PKD1: variants seen among roughly 807,000 people sequenced by gnomAD.
PKD1 encodes polycystin 1, transient receptor potential channel interacting, also known as polycystin-1.
PKD1 carries 81 observed loss-of-function variants against 361.7 expected under a neutral mutation model. The observed-to-expected ratio is 0.22, with a 90% CI of 0.19 to 0.27. The LOEUF (loss-of-function observed/expected upper bound fraction) is 0.27. Among genes scored for constraint, PKD1 ranks in the 10% least tolerant of loss-of-function variants. The pLI is 1.00. For missense variants in PKD1, 6,399 were observed against 6,118.3 expected (o/e 1.05, Z -1.53); for synonymous variants, 3,615 against 2,818.3 (o/e 1.28, Z -8.95).
chr16:2,112,986 GC>G (rs1172064033), intron 12 of PKD1, 23 bp from the exon 13 acceptor site: 4 of 1,592,418 alleles, frequency 2.5e-6, no homozygotes, highest in Non-Finnish European at 3.4e-6. Flanking sequence ...GCGTCAGTGA[GC>G]CCAGGTGGCA....
chr16:2,110,098 G>C lies in PKD1; in HGVS notation c.5069C>G (p.Ala1690Gly). The C allele has an allele frequency of 1.2e-6, 2 of 1,609,718 alleles. No homozygotes were observed. Among genetic ancestry groups the C allele is most frequent in the Non-Finnish European group, 1.7e-6 (2 of 1,179,418 alleles). The stretch of plus-strand genomic sequence containing the variant: ...CCGCAGCTGCACATGGTAGGTGCCG[G>C]CCTCGAGCACGGTGAGCGAGAAGCC... ...GKGFSLTVLE[A>G]GTYHVQLRAT... Residue 1690 changes from alanine (A) to glycine (G), a missense_variant, in exon 15 of 46, where the codon GCC becomes GGC. Physicochemically the swap from Ala to Gly is moderately conservative, Grantham distance 60. Transcript: ENST00000262304.
chr16:2,102,879 C>A lies in PKD1; in HGVS notation c.8883G>T (p.Arg2961Ser), dbSNP rs758924961. Reference protein sequence around the residue: ...RPNEHNCSASRRIRPESLQGA... With the variant: ...RPNEHNCSASSRIRPESLQGA... ...CCTGGAGTGACTCTGGGCGGATCCT[C>A]CTGCTAGCCGAGCAGTTGTGCTCAT... The change falls in exon 24 of 46, where the codon AGG (arginine) becomes AGT (serine). Residue 2961 changes from arginine to serine, a missense_variant. Arg to Ser is a moderately radical substitution (Grantham distance 110, BLOSUM62 -1). Transcript: ENST00000262304. The A allele has an allele frequency of 6.2e-7, 1 of 1,610,214 alleles. No homozygotes were observed. The highest frequency in any genetic ancestry group is 1.7e-5 in the Admixed American group (1 of 60,008).
At chr16:2,095,029 C>CT (rs1291089092) in intron 34 of PKD1, 2 of 152,258 alleles carry the variant, frequency 1.3e-5, no homozygotes, top group Non-Finnish European at 2.9e-5. Context: ...AATCCCAGCA[C>CT]TTCAGGAGGC....
In PKD1 at chr16:2,109,936, C is replaced by T. The variant is rs751202246; in HGVS notation, c.5231G>A (p.Gly1744Asp). The T allele has an allele frequency of 2.5e-6, 4 of 1,610,414 alleles. No individual in the cohort carries two copies. The highest frequency in any genetic ancestry group is 3.4e-6 in the Non-Finnish European group (4 of 1,179,656). Residue 1744 changes from glycine to aspartate, a missense_variant, in exon 15 of 46, where the codon GGT becomes GAT. By Grantham distance (94) the Gly-to-Asp change is moderately conservative. Transcript: ENST00000262304. Reference protein sequence around the residue: ...TSVTLSAELAGGSGVVYTWSL... With the variant: ...TSVTLSAELADGSGVVYTWSL... ...CCAAGTGTATACGACACCACTGCCACCAGCCAGCTCGGCACTGAGGGTGAC... is the reference window on the plus strand; with the variant it reads ...CCAAGTGTATACGACACCACTGCCATCAGCCAGCTCGGCACTGAGGGTGAC...
chr16:2,089,589 C>T lies in PKD1; in HGVS notation c.*138G>A. On this transcript the variant is annotated 3_prime_UTR_variant, in exon 46 of 46. Coordinates refer to ENST00000262304, the MANE Select transcript of PKD1 (RefSeq NM_001009944.3). ...TCTTTAAAGTGCTGAAGCCCACAGA[C>T]AGACAGATGCCCCTGCCTGCTCTCT... 1.8e-6 allele frequency: 2 copies of T among 1,103,280 alleles called. No homozygotes were observed. The highest frequency in any genetic ancestry group is 2.6e-6 in the Non-Finnish European group (2 of 765,672). The allele number at this position is 1,103,280 out of a possible 1,614,324, so 68.3% of individuals were successfully genotyped here. A position where few individuals can be genotyped will look rare whatever the true frequency, so the allele number is the denominator to read the frequency against.
At position 2,119,997 on chromosome 16, in the gene PKD1, G is replaced by A. The variant is rs756707; in HGVS notation, c.216-619C>T. ...GGAGCTGAGACGGAAGGATCGCCTG[G>A]GCCCAGGATTTTGAAACCACCCTGG... On this transcript the variant is annotated intron_variant, in intron 1 of 45. Coordinates refer to ENST00000262304, the MANE Select transcript of PKD1 (RefSeq NM_001009944.3). 344 of 594,926 alleles carry A rather than the reference G, an allele frequency of 5.8e-4. 2 individuals are homozygous for A. The highest frequency in any genetic ancestry group is 4.2e-3 in the African/African-American group (228 of 53,710). 36.9% of individuals were successfully genotyped at this position (594,926 alleles called of 1,614,324 possible). A position where few individuals can be genotyped will look rare whatever the true frequency, so the allele number is the denominator to read the frequency against.
intron 1 of PKD1, among the ~76,000 whole-genome samples, chr16:2,130,372 TC>T (rs1206359663): frequency 6.6e-6 from 1 of 152,150 alleles, no homozygotes; most frequent in African/African-American, 2.4e-5. Flanking sequence ...TCTGGGCAGC[TC>T]CCTGTGGGAG....
At chr16:2,121,292 G>A (rs1336409488) in intron 1 of PKD1, among the ~76,000 whole-genome samples, 3 of 151,810 alleles carry the variant, frequency 2.0e-5, no homozygotes, top group African/African-American at 7.3e-5. Context: ...TTGAACCCGC[G>A]AGGCAGAGGT....
chr16:2,129,831 G>GT (rs1344212949), intron 1 of PKD1, among the ~76,000 whole-genome samples: 1 of 151,742 alleles, frequency 6.6e-6, no homozygotes, highest in Non-Finnish European at 1.5e-5. Flanking sequence ...GATTCCAGGC[G>GT]TGAGTGACCC....
At position 2,108,947 on chromosome 16, in the gene PKD1, T is replaced by G. The variant is rs371281005; in HGVS notation, c.6220A>C (p.Asn2074His). 20 of 1,606,782 alleles carry G rather than the reference T, an allele frequency of 1.2e-5. No individual in the cohort carries two copies. The highest frequency in any genetic ancestry group is 1.6e-5 in the Non-Finnish European group (19 of 1,178,138). ...GCGGCCTCAAACTGCGCCGAGCGGT[T>G]GGTGAAGCAGGGGCCGCTCTGCAGG... is the stretch of plus-strand genomic sequence containing the variant. ...VALQSGPCFT[N>H]RSAQFEAATS... The change falls in exon 15 of 46, where the codon AAC (asparagine) becomes CAC (histidine). Residue 2074 changes from asparagine to histidine, a missense_variant. By Grantham distance (68) the Asn-to-His change is moderately conservative. Transcript: ENST00000262304.
Position 2,100,174 on chromosome 16 carries a change from A to T in PKD1, c.9704T>A (p.Leu3235Gln). ...ATGGAACGAGGCCTTACTCGCGGCC[A>T]GCACCTCCTTCTCCACCAGGCCCCC... ...ANGGLVEKEVLAASDAALLRF... is the reference protein window; with the variant it reads ...ANGGLVEKEVQAASDAALLRF... Residue 3235 changes from leucine (L) to glutamine (Q), a missense_variant, in exon 28 of 46, where the codon CTG becomes CAG. By Grantham distance (113) the Leu-to-Gln change is moderately radical. Coordinates refer to ENST00000262304, the MANE Select transcript of PKD1 (RefSeq NM_001009944.3). The surrounding 1 kb of genome is among the most constrained non-coding windows in gnomAD (Gnocchi z 4.4). The T allele has an allele frequency of 6.2e-7, 1 of 1,609,068 alleles. No homozygotes were observed. Among genetic ancestry groups the T allele is most frequent in the East Asian group, 2.2e-5 (1 of 44,854 alleles).
intron 1 of PKD1, among the ~76,000 whole-genome samples, chr16:2,126,500 C>A (rs1002624509): frequency 2.6e-5 from 4 of 152,286 alleles, no homozygotes; most frequent in African/African-American, 9.6e-5. Context: ...GGCCCCTAGG[C>A]AAGGACAGCT....
At position 2,091,531 on chromosome 16, in the gene PKD1, C is replaced by T. The variant is rs767554743; in HGVS notation, c.11604G>A (p.Thr3868=). 1.3e-6 allele frequency: 2 copies of T among 1,497,338 alleles called. No individual in the cohort carries two copies. Among genetic ancestry groups the T allele is most frequent in the South Asian group, 2.6e-5 (2 of 78,368 alleles). The allele number at this position is 1,497,338 out of a possible 1,614,324, so 92.8% of individuals were successfully genotyped here. A position where few individuals can be genotyped will look rare whatever the true frequency, so the allele number is the denominator to read the frequency against. Residue 3868 remains threonine (T), a synonymous_variant, in exon 42 of 46, where the codon ACG becomes ACA. Transcript: ENST00000262304. The part of the protein sequence containing the change: ...SPAVGLHAAV[T]LRLEFPAAGR... ...CGGCCGCCGGGAACTCGAGGCGCAG[C>T]GTGACGGCGGCGTGCAGCCCCACGG...
chr16:2,130,737 G>A (rs1168590384), intron 1 of PKD1, among the ~76,000 whole-genome samples: 1 of 152,152 alleles, frequency 6.6e-6, no homozygotes, highest in African/African-American at 2.4e-5. Context: ...CCAGGCAGGG[G>A]CCCCGGGGTC....
In PKD1 at chr16:2,118,583, A is replaced by C. The variant is rs952524780; in HGVS notation, c.529+93T>G. 3.4e-5 allele frequency: 26 copies of C among 766,084 alleles called. No individual in the cohort carries two copies. The highest frequency in any genetic ancestry group is 2.6e-4 in the African/African-American group (15 of 58,312). 47.5% of individuals were successfully genotyped at this position (766,084 alleles called of 1,614,324 possible). On this transcript the variant is annotated intron_variant, in intron 4 of 45. Transcript: ENST00000262304. This position sits in a 1 kb window ranked among gnomAD's most constrained non-coding sequence, Gnocchi z 6.0. ...TTCCCTTGGCCCGGAGGCCCCCCCCAGAGAGGCCTTCCTGAGCCCTGCCCA... is the reference window on the plus strand; with the variant it reads ...TTCCCTTGGCCCGGAGGCCCCCCCCCGAGAGGCCTTCCTGAGCCCTGCCCA...
chr16:2,113,123 C>G, intron 12 of PKD1, 38 bp downstream of exon 12: 1 of 708,568 alleles, frequency 1.4e-6, no homozygotes, highest in Non-Finnish European at 2.5e-6. Flanking sequence ...CGCCCTGCCC[C>G]GCCCCATCCC....
rs747425659 is a variant in PKD1, at chr16:2,090,925, G to A, written c.11962C>T (p.Arg3988Cys). Residue 3988 changes from arginine (R) to cysteine (C), a missense_variant, in exon 43 of 46, where the codon CGT becomes TGT. By Grantham distance (180) the Arg-to-Cys change is radical. Coordinates refer to ENST00000262304, the MANE Select transcript of PKD1 (RefSeq NM_001009944.3). ...AAGAGCAGCGAGGCCGCCAGGCCAC[G>A]GGCTGCGGAGCTCAGCTGCGCCACC... ...DQVAQLSSAA[R>C]GLAASLLFLL... The A allele has an allele frequency of 3.2e-6, 5 of 1,582,610 alleles. No individual in the cohort carries two copies. The highest frequency in any genetic ancestry group is 1.3e-5 in the African/African-American group (1 of 74,708).
rs988966001 is a variant in PKD1, at chr16:2,090,031, C to T, written c.12608G>A (p.Arg4203Gln). 4 of 1,610,942 alleles carry T rather than the reference C, an allele frequency of 2.5e-6. No individual in the cohort carries two copies. The highest frequency in any genetic ancestry group is 2.2e-5 in the East Asian group (1 of 44,822). ...CTCAGGCTCACACCTTGTCCCCAGC[C>T]GGCCCAGGCTCACGCTCAGCCCATC... is the stretch of plus-strand genomic sequence containing the variant. ...QLDGLSVSLGRLGTRCEPEPS... is the reference protein window; with the variant it reads ...QLDGLSVSLGQLGTRCEPEPS... The change falls in exon 46 of 46, where the codon CGG becomes CAG. Residue 4203 changes from arginine to glutamine, a missense_variant. Coordinates refer to ENST00000262304, the MANE Select transcript of PKD1 (RefSeq NM_001009944.3).
chr16:2,094,164 G>C lies in PKD1; in HGVS notation c.10546C>G (p.Leu3516Val), dbSNP rs777312051. 4.4e-6 allele frequency: 7 copies of C among 1,604,770 alleles called. No homozygotes were observed. In the Admixed American group the frequency reaches 1.2e-4, roughly 27 times the overall value. Reference sequence around the variant, plus strand: ...GGGCTGGGTGGCCCCAGCTCCCCCAGCCTCTGCAGCGCCAGCGTCTCTGTC... The same window carrying C: ...GGGCTGGGTGGCCCCAGCTCCCCCACCCTCTGCAGCGCCAGCGTCTCTGTC... Reference protein sequence around the residue: ...EKTETLALQRLGELGPPSPGL... With the variant: ...EKTETLALQRVGELGPPSPGL... Residue 3516 changes from leucine (L) to valine (V), a missense_variant, in exon 35 of 46, where the codon CTG becomes GTG. By Grantham distance (32) the Leu-to-Val change is conservative. Transcript: ENST00000262304.
Sources: gnomAD v4.1 joint callset for allele counts (sites outside exome capture counted in the v4.1 genomes callset) on GRCh38, gnomAD v4.1.1 for gene constraint, Gnocchi (gnomAD v3.1) non-coding constraint, MANE v1.5 for transcripts, NCBI Gene and HGNC (gene_info 2026-07-23, HGNC 2026-07-21) for gene names.